The following PLCB4 variants were observed in gnomAD, a reference collection of about 807,000 sequenced individuals.
PLCB4 encodes phospholipase C beta 4.
PLCB4 carries 77 observed loss-of-function variants against 178.8 expected under a neutral mutation model. The ratio of observed to expected loss-of-function variants is 0.43; its 90% CI spans 0.36 to 0.52. The LOEUF (loss-of-function observed/expected upper bound fraction) is 0.52. Among genes scored for constraint, PLCB4 ranks in the 20% least tolerant of loss-of-function variants. PLCB4 has a pLI of 0.00. For missense variants in PLCB4, 1,024 were observed against 1,453.4 expected (o/e 0.70, Z 4.80); for synonymous variants, 496 against 490.8 (o/e 1.01, Z -0.14).
intron 3 of PLCB4, among the ~76,000 whole-genome samples, chr20:9,229,502 G>A (rs1423720346): frequency 2.6e-5 from 4 of 152,014 alleles, no homozygotes; most frequent in Non-Finnish European, 5.9e-5. Flanking sequence ...AGTAACCAAA[G>A]TGCATGCTGC....
chr20:9,458,760 C>T (rs2043211070), intron 34 of PLCB4, among the ~76,000 whole-genome samples: 1 of 152,132 alleles, frequency 6.6e-6, no homozygotes, highest in Non-Finnish European at 1.5e-5. Context: ...GCTACTATCT[C>T]ATTGGCTAAA....
intron 22 of PLCB4, 34 bp downstream of exon 22, chr20:9,408,092 T>G: frequency 6.4e-7 from 1 of 1,571,964 alleles, no homozygotes; most frequent in Non-Finnish European, 8.6e-7. Flanking sequence ...TCGCCTTTTT[T>G]GCTTGATTTT....
At position 9,389,907 on chromosome 20, in the gene PLCB4, CATTTGT is replaced by C; in HGVS notation, c.1188_1193del (p.Phe397_Val398del). Reference sequence around the variant, plus strand: ...GTAATTCAAGCCATCAAGGAAACTGCATTTGTCACATCAGAATATCCTGTAATTCTC... The same window carrying C: ...GTAATTCAAGCCATCAAGGAAACTGCCACATCAGAATATCCTGTAATTCTC... On this transcript the variant is annotated inframe_deletion, in exon 16 of 40. Coordinates refer to ENST00000378473, the MANE Select transcript of PLCB4 (RefSeq NM_001377142.1). 1.3e-6 allele frequency: 2 copies of C among 1,583,660 alleles called. No homozygotes were observed. Among genetic ancestry groups the C allele is most frequent in the Non-Finnish European group, 1.7e-6 (2 of 1,155,318 alleles).
At chr20:9,310,772 GA>G (rs1199449128) in intron 4 of PLCB4, among the ~76,000 whole-genome samples, 1 of 152,028 alleles carries the variant, frequency 6.6e-6, no homozygotes, top group Admixed American at 6.6e-5. Flanking sequence ...GTAGGTGGGG[GA>G]AAAATGTTTA....
intron 28 of PLCB4, among the ~76,000 whole-genome samples, 167 bp from the exon 29 acceptor site, chr20:9,435,393 T>G (rs3817877): frequency 6.6e-6 from 1 of 152,130 alleles, no homozygotes; most frequent in Non-Finnish European, 1.5e-5. Flanking sequence ...CCTTTCTTGT[T>G]TTCTGCAACT....
At chr20:9,295,733 A>G (rs2094626293) in intron 3 of PLCB4, among the ~76,000 whole-genome samples, 1 of 152,094 alleles carries the variant, frequency 6.6e-6, no homozygotes, top group Non-Finnish European at 1.5e-5. Context: ...ATGGTTGTAG[A>G]TATGCGGCAT....
chr20:9,353,413 T>TA (rs2034515318), intron 7 of PLCB4, among the ~76,000 whole-genome samples: 1 of 152,248 alleles, frequency 6.6e-6, no homozygotes, highest in African/African-American at 2.4e-5. Flanking sequence ...TAACACTTAG[T>TA]ACCTGCACTT....
intron 34 of PLCB4, among the ~76,000 whole-genome samples, chr20:9,458,160 C>G (rs1166529087): frequency 6.6e-6 from 1 of 152,074 alleles, no homozygotes; most frequent in African/African-American, 2.4e-5. Context: ...TGTGGTTGAA[C>G]CAGCCAGCCT....
intron 3 of PLCB4, among the ~76,000 whole-genome samples, chr20:9,257,643 G>A (rs1053344716): frequency 6.6e-6 from 1 of 152,098 alleles, no homozygotes. Flanking sequence ...TCATTTTGAT[G>A]GGTACAAATG....
chr20:9,416,516 C>T (rs549119157), intron 25 of PLCB4, among the ~76,000 whole-genome samples: 2 of 152,270 alleles, frequency 1.3e-5, no homozygotes, highest in African/African-American at 2.4e-5. Context: ...CAGTCTGTGT[C>T]GGTTTTCCTT....
intron 2 of PLCB4, among the ~76,000 whole-genome samples, chr20:9,193,794 CATT>C (rs1236095217): frequency 3.3e-5 from 5 of 152,032 alleles, no homozygotes; most frequent in Admixed American, 1.3e-4. Flanking sequence ...TTCTTGAAAA[CATT>C]ATAACTTTCA....
At chr20:9,126,059 G>A (rs2092106048) in intron 2 of PLCB4, among the ~76,000 whole-genome samples, 1 of 151,402 alleles carries the variant, frequency 6.6e-6, no homozygotes, top group African/African-American at 2.4e-5. Context: ...GACAGTAATG[G>A]GATTGTACTA....
intron 4 of PLCB4, among the ~76,000 whole-genome samples, chr20:9,335,896 A>G (rs1379297094): frequency 3.3e-5 from 5 of 152,176 alleles, no homozygotes; most frequent in Non-Finnish European, 7.4e-5. Context: ...CCAGAAAACT[A>G]CCCAAATTGA....
intron 2 of PLCB4, among the ~76,000 whole-genome samples, chr20:9,140,723 G>A (rs1024388829): frequency 4.6e-5 from 7 of 151,802 alleles, no homozygotes; most frequent in African/African-American, 7.3e-5. Context: ...CTCCCCCTTC[G>A]CCTTCCACCA....
chr20:9,151,786 G>C (rs1029420528), intron 2 of PLCB4, among the ~76,000 whole-genome samples: 5 of 152,184 alleles, frequency 3.3e-5, no homozygotes, highest in African/African-American at 1.2e-4. Context: ...CTGGGTAACA[G>C]GCAGAGATTG....
chr20:9,239,766 A>G (rs1017568949), intron 3 of PLCB4, among the ~76,000 whole-genome samples: 4 of 152,170 alleles, frequency 2.6e-5, no homozygotes, highest in African/African-American at 9.7e-5. Flanking sequence ...CTGAGTCTCA[A>G]AACCTCAAAA....
intron 25 of PLCB4, among the ~76,000 whole-genome samples, chr20:9,412,902 CAT>C (rs2039958029): frequency 6.6e-6 from 1 of 152,156 alleles, no homozygotes; most frequent in Admixed American, 6.5e-5. Context: ...TCCACTTTAC[CAT>C]GTTTAACAAG....
intron 3 of PLCB4, among the ~76,000 whole-genome samples, chr20:9,229,969 A>G (rs1297729633): frequency 3.9e-5 from 6 of 152,138 alleles, no homozygotes; most frequent in African/African-American, 1.4e-4. Flanking sequence ...GGTAATGAAA[A>G]TGAACTAGGA....
chr20:9,344,229 C>T (rs1312944523), intron 7 of PLCB4, among the ~76,000 whole-genome samples: 2 of 152,112 alleles, frequency 1.3e-5, no homozygotes, highest in Non-Finnish European at 2.9e-5. Flanking sequence ...CTGTCTGTAT[C>T]GTGCTCTTTC....
Sources: allele counts gnomAD v4.1 joint callset (sites outside exome capture counted in the v4.1 genomes callset), GRCh38; gene constraint gnomAD v4.1.1; transcripts MANE v1.5; gene names NCBI Gene and HGNC (gene_info 2026-07-23, HGNC 2026-07-21).